Variants in ERBB4 observed in about 807,000 individuals in gnomAD.
ERBB4 encodes erb-b2 receptor tyrosine kinase 4, also known as receptor tyrosine-protein kinase erbB-4.
Under a neutral mutation model 158.0 loss-of-function variants are expected in ERBB4, and 42 were observed. The ratio of observed to expected loss-of-function variants is 0.27; its 90% CI spans 0.21 to 0.34. ERBB4 has a LOEUF of 0.34. Ranked by LOEUF, ERBB4 falls within the 10% of genes least tolerant of loss-of-function variation. ERBB4 has a pLI of 1.00. For synonymous variants in ERBB4, 583 were observed against 558.7 expected (o/e 1.04, Z -0.61); for missense variants, 1,333 against 1,624.1 (o/e 0.82, Z 3.08).
In ERBB4 at chr2:212,304,263, G is replaced by A. The variant is rs571994697; in HGVS notation, c.83-179360C>T. Reference sequence around the variant, plus strand: ...CAACGTGTATTTTAGAACCAATCACGGAAAGCCCGTGAAACTAATTCTCTC... The same window carrying A: ...CAACGTGTATTTTAGAACCAATCACAGAAAGCCCGTGAAACTAATTCTCTC... On this transcript the variant is annotated intron_variant, in intron 1 of 27. Transcript: ENST00000342788. Among the ~76,000 whole-genome samples the A allele has an allele frequency of 4.0e-5, 6 of 151,526 alleles. No homozygotes were observed. In the East Asian group the frequency reaches 5.9e-4, roughly 15 times the overall value.
chr2:211,961,119 T>C (rs934372552), intron 2 of ERBB4, among the ~76,000 whole-genome samples: 2 of 152,126 alleles, frequency 1.3e-5, no homozygotes, highest in African/African-American at 4.8e-5. Flanking sequence ...TATGAATTAA[T>C]GGTTCTAGAT....
chr2:212,016,585 G>A (rs2076534588), intron 2 of ERBB4, among the ~76,000 whole-genome samples: 1 of 151,960 alleles, frequency 6.6e-6, no homozygotes, highest in Non-Finnish European at 1.5e-5. Context: ...GAATTTTTAA[G>A]TACAATTGGT....
intron 1 of ERBB4, among the ~76,000 whole-genome samples, chr2:212,250,600 T>C (rs1290825592): frequency 2.0e-5 from 3 of 152,108 alleles, no homozygotes; most frequent in African/African-American, 7.2e-5. Context: ...AAATGTAAAA[T>C]GATACCATCT....
chr2:212,492,906 C>G (rs1398969704), intron 1 of ERBB4, among the ~76,000 whole-genome samples: 1 of 151,378 alleles, frequency 6.6e-6, no homozygotes, highest in Non-Finnish European at 1.5e-5. Context: ...ATTTTTTACT[C>G]CATACAGTAG....
chr2:211,400,581 T>A (rs2063016508), intron 25 of ERBB4, among the ~76,000 whole-genome samples: 1 of 151,548 alleles, frequency 6.6e-6, no homozygotes, highest in African/African-American at 2.4e-5. Flanking sequence ...TTAACACAAT[T>A]GAAATTATGG....
intron 1 of ERBB4, among the ~76,000 whole-genome samples, chr2:212,350,657 G>T (rs1208100104): frequency 6.6e-6 from 1 of 152,034 alleles, no homozygotes; most frequent in African/African-American, 2.4e-5. Flanking sequence ...TGAGTTCTAT[G>T]ATCAGTAAAA....
intron 2 of ERBB4, among the ~76,000 whole-genome samples, chr2:212,006,363 A>T (rs1381333103): frequency 6.6e-6 from 1 of 152,120 alleles, no homozygotes. Flanking sequence ...TAAAGATTCT[A>T]AATTAATCTT....
At chr2:212,119,547 C>A (rs1325294137) in intron 2 of ERBB4, among the ~76,000 whole-genome samples, 1 of 152,110 alleles carries the variant, frequency 6.6e-6, no homozygotes, top group African/African-American at 2.4e-5. Flanking sequence ...AAGTGTAAGA[C>A]AATAGCACAA....
At chr2:211,992,339 T>C (rs2082093024) in intron 2 of ERBB4, among the ~76,000 whole-genome samples, 1 of 152,016 alleles carries the variant, frequency 6.6e-6, no homozygotes, top group African/African-American at 2.4e-5. Context: ...CAGAAACCCC[T>C]GATAAACCCA....
rs1410083630 is a variant in ERBB4 at position 212,065,116 on chromosome 2, A to G, written c.234+59636T>C. 2.0e-5 allele frequency among the ~76,000 whole-genome samples: 3 copies of G among 151,728 alleles called. No individual in the cohort carries two copies. In the East Asian group the frequency reaches 5.8e-4, roughly 29 times the overall value. On this transcript the variant is annotated intron_variant, in intron 2 of 27. Coordinates refer to ENST00000342788, the MANE Select transcript of ERBB4 (RefSeq NM_005235.3). Reference sequence around the variant, plus strand: ...CTAAATGGTTTTACTAATCACCCCTACTAGACAAAGCACAAGAAAGTAGTT... The same window carrying G: ...CTAAATGGTTTTACTAATCACCCCTGCTAGACAAAGCACAAGAAAGTAGTT...
intron 2 of ERBB4, among the ~76,000 whole-genome samples, chr2:212,104,774 T>G (rs1168258091): frequency 1.3e-5 from 2 of 152,146 alleles, no homozygotes; most frequent in Non-Finnish European, 2.9e-5. Flanking sequence ...AAAGCAGAAG[T>G]CAAGTCGATT....
intron 1 of ERBB4, among the ~76,000 whole-genome samples, chr2:212,264,854 C>G (rs891857223): frequency 7.2e-5 from 11 of 152,028 alleles, no homozygotes; most frequent in Non-Finnish European, 1.3e-4. Flanking sequence ...CAACAAAATG[C>G]TGTCTACAGG....
intron 1 of ERBB4, among the ~76,000 whole-genome samples, chr2:212,410,733 T>C (rs1574867231): frequency 6.6e-6 from 1 of 152,088 alleles, no homozygotes; most frequent in South Asian, 2.1e-4. Context: ...GTTATATTAC[T>C]TCCCCCTTCA....
At chr2:212,101,350 C>CATATATATATATATATACATATATAT (rs56091369) in intron 2 of ERBB4, among the ~76,000 whole-genome samples, 245 of 143,082 alleles carry the variant, frequency 1.7e-3, no homozygotes, top group Middle Eastern at 7.2e-3. Flanking sequence ...ACACCCTATA[C>CATATATATATATATATACATATATAT]ATATATATAT....
intron 2 of ERBB4, among the ~76,000 whole-genome samples, chr2:212,030,749 T>A (rs2076884343): frequency 6.6e-6 from 1 of 152,096 alleles, no homozygotes; most frequent in South Asian, 2.1e-4. Context: ...CAATAATTGG[T>A]TGTGGACTAT....
chr2:211,943,163 C>G (rs1394287814), intron 3 of ERBB4, among the ~76,000 whole-genome samples: 1 of 151,780 alleles, frequency 6.6e-6, no homozygotes, highest in African/African-American at 2.4e-5. Context: ...CCATTAGTAA[C>G]AGATGAGGTG....
intron 1 of ERBB4, among the ~76,000 whole-genome samples, chr2:212,448,559 A>G (rs1338602338): frequency 6.6e-6 from 1 of 152,126 alleles, no homozygotes; most frequent in East Asian, 1.9e-4. Context: ...TCTCTGTAAC[A>G]TATAAAAGGT....
At chr2:211,912,225 C>T in intron 3 of ERBB4, among the ~76,000 whole-genome samples, 1 of 152,088 alleles carries the variant, frequency 6.6e-6, no homozygotes, top group Non-Finnish European at 1.5e-5. Flanking sequence ...ATTATGTGCA[C>T]ATCTTTAGGC....
At chr2:212,244,393 G>A (rs1199648020) in intron 1 of ERBB4, among the ~76,000 whole-genome samples, 2 of 152,048 alleles carry the variant, frequency 1.3e-5, no homozygotes, top group African/African-American at 4.8e-5. Flanking sequence ...ATTCTGACAA[G>A]ACATACAACT....
Sources: allele counts gnomAD v4.1 joint callset (sites outside exome capture counted in the v4.1 genomes callset), GRCh38; gene constraint gnomAD v4.1.1; transcripts MANE v1.5; gene names NCBI Gene and HGNC (gene_info 2026-07-23, HGNC 2026-07-21).